THSD7B: variants seen among roughly 807,000 people sequenced by gnomAD.
The protein encoded by THSD7B is thrombospondin type-1 domain-containing protein 7B.
In THSD7B, 138 loss-of-function variants were observed where a neutral mutation model predicts 213.6. The observed-to-expected ratio is 0.65, with a 90% CI of 0.56 to 0.74. THSD7B has a LOEUF of 0.74. Ranked by LOEUF, THSD7B falls within the 30% of genes least tolerant of loss-of-function variation. The pLI, the probability that THSD7B is intolerant of heterozygous loss-of-function variation, is 0.00. For synonymous variants in THSD7B, 742 were observed against 687.0 expected, an observed-to-expected ratio of 1.08 and a Z score of -1.25; for missense variants, 1,931 against 1,991.5, an observed-to-expected ratio of 0.97 and a Z score of 0.58.
At chr2:136,776,939 A>G (rs1681620404) in intron 1 of THSD7B, among the ~76,000 whole-genome samples, 1 of 152,142 alleles carries the variant, frequency 6.6e-6, no homozygotes, top group Non-Finnish European at 1.5e-5. Context: ...ATGAGAAATG[A>G]CAGGAAAAGA....
At chr2:136,829,841 C>T (rs1445005036) in intron 1 of THSD7B, among the ~76,000 whole-genome samples, 11 of 152,066 alleles carry the variant, frequency 7.2e-5, no homozygotes, top group Admixed American at 6.6e-4. Flanking sequence ...ATCTATTTTC[C>T]TTCTGTCTTA....
At chr2:137,489,155 G>A (rs761664491) in intron 15 of THSD7B, among the ~76,000 whole-genome samples, 4 of 152,078 alleles carry the variant, frequency 2.6e-5, no homozygotes, top group African/African-American at 4.8e-5. Context: ...GGCTGGGTGC[G>A]GTGGCTCATG....
At chr2:136,798,902 T>C (rs1234139412) in intron 1 of THSD7B, among the ~76,000 whole-genome samples, 1 of 152,058 alleles carries the variant, frequency 6.6e-6, no homozygotes, top group Non-Finnish European at 1.5e-5. Context: ...TTTTGTAGTC[T>C]ACACACATTC....
At chr2:137,484,177 C>A (rs912855019) in intron 15 of THSD7B, among the ~76,000 whole-genome samples, 2 of 139,564 alleles carry the variant, frequency 1.4e-5, no homozygotes, top group African/African-American at 2.7e-5. Context: ...CCCCTCCCCC[C>A]ACCACACAAC....
At chr2:137,123,914 G>A (rs976048755) in intron 5 of THSD7B, among the ~76,000 whole-genome samples, 6 of 151,970 alleles carry the variant, frequency 3.9e-5, no homozygotes, top group African/African-American at 1.2e-4. Flanking sequence ...GATAGACTTC[G>A]CAACGGTTAG....
chr2:137,361,599 T>C (rs1445885256), intron 12 of THSD7B, among the ~76,000 whole-genome samples: 1 of 152,138 alleles, frequency 6.6e-6, no homozygotes, highest in Non-Finnish European at 1.5e-5. Context: ...CAAGCTTCAG[T>C]AGCTGATTTG....
chr2:137,074,278 G>A (rs910076645), intron 3 of THSD7B, among the ~76,000 whole-genome samples: 19 of 152,058 alleles, frequency 1.2e-4, no homozygotes, highest in African/African-American at 2.2e-4. Context: ...CCTGTATTGG[G>A]TGCATATATA....
chr2:136,987,822 C>A (rs1208665812), intron 2 of THSD7B, among the ~76,000 whole-genome samples: 1 of 152,126 alleles, frequency 6.6e-6, no homozygotes, highest in Non-Finnish European at 1.5e-5. Context: ...CAGATTTTTG[C>A]AATGGAAATT....
At chr2:137,115,415 G>C in intron 5 of THSD7B, 122 bp downstream of exon 5, 3 of 1,176,362 alleles carry the variant, frequency 2.6e-6, no homozygotes, top group Non-Finnish European at 3.4e-6. Context: ...TATTTATTTT[G>C]TTGACCATTT....
At chr2:137,274,072 C>T (rs1166073034) in intron 11 of THSD7B, among the ~76,000 whole-genome samples, 1 of 152,006 alleles carries the variant, frequency 6.6e-6, no homozygotes, top group Non-Finnish European at 1.5e-5. Context: ...GACCTCCTGC[C>T]ACGTTCCCCA....
intron 14 of THSD7B, among the ~76,000 whole-genome samples, chr2:137,413,437 A>T (rs1686717268): frequency 1.3e-5 from 2 of 152,248 alleles, no homozygotes; most frequent in Admixed American, 1.3e-4. Flanking sequence ...ACAAATACAT[A>T]AAAAGAATTT....
chr2:137,363,311 A>C (rs919482712), intron 12 of THSD7B, among the ~76,000 whole-genome samples: 71 of 152,234 alleles, frequency 4.7e-4, no homozygotes, highest in African/African-American at 1.6e-3. Context: ...ACACCCTAAC[A>C]TCACAATAAA....
intron 12 of THSD7B, among the ~76,000 whole-genome samples, chr2:137,344,812 A>G (rs1684840321): frequency 6.6e-6 from 1 of 151,622 alleles, no homozygotes; most frequent in Admixed American, 6.6e-5. Context: ...CAGAACAGAA[A>G]CAAATAGGCT....
At chr2:137,378,340 ACTT>A (rs1685705249) in intron 12 of THSD7B, among the ~76,000 whole-genome samples, 2 of 152,170 alleles carry the variant, frequency 1.3e-5, no homozygotes, top group Admixed American at 1.3e-4. Flanking sequence ...TGGCTAAAGA[ACTT>A]CTTTTGCAGC....
intron 14 of THSD7B, among the ~76,000 whole-genome samples, chr2:137,446,137 A>C (rs1332852018): frequency 1.3e-5 from 2 of 152,018 alleles, no homozygotes; most frequent in Non-Finnish European, 2.9e-5. Flanking sequence ...ATATAGCAGG[A>C]AAATATAAGT....
chr2:137,280,649 T>G (rs1231002835), intron 12 of THSD7B, among the ~76,000 whole-genome samples: 1 of 152,140 alleles, frequency 6.6e-6, no homozygotes, highest in Non-Finnish European at 1.5e-5. Flanking sequence ...GTCTCATACT[T>G]CAAGGAGACC....
intron 2 of THSD7B, among the ~76,000 whole-genome samples, chr2:136,954,249 G>A (rs1301175384): frequency 6.6e-6 from 1 of 152,180 alleles, no homozygotes; most frequent in Non-Finnish European, 1.5e-5. Flanking sequence ...TGGTTTGAGA[G>A]TCCGGAAGGC....
chr2:137,208,287 G>A (rs370251024), intron 7 of THSD7B, among the ~76,000 whole-genome samples: 3 of 152,104 alleles, frequency 2.0e-5, no homozygotes, highest in Non-Finnish European at 2.9e-5. Context: ...CCAGGTGCTG[G>A]GGTGATTACC....
intron 3 of THSD7B, 114 bp downstream of exon 3, chr2:137,057,344 T>G (rs544436213): frequency 8.8e-7 from 1 of 1,133,318 alleles, no homozygotes; most frequent in Non-Finnish European, 1.2e-6. Flanking sequence ...GTTTATAATT[T>G]AGGTTTTTAG....
Sources: allele counts gnomAD v4.1 joint callset (sites outside exome capture counted in the v4.1 genomes callset), GRCh38; gene constraint gnomAD v4.1.1; transcripts MANE v1.5; gene names NCBI Gene and HGNC (gene_info 2026-07-23, HGNC 2026-07-21).